FIRRM: variants seen among roughly 807,000 people sequenced by gnomAD.
FIRRM encodes FIGNL1 interacting regulator of recombination and mitosis, also known as FIGNL1-interacting regulator of recombination and mitosis.
At chr1:169,792,278 T>G in the FIRRM span, among the ~76,000 whole-genome samples, 1 of 152,214 alleles carries the variant, frequency 6.6e-6, no homozygotes, top group South Asian at 2.1e-4. Context: ...TGGCAGGATT[T>G]CCTGGGAACA....
At chr1:169,849,364 T>C in the FIRRM span, 1 of 625,910 alleles carries the variant, frequency 1.6e-6, no homozygotes, top group African/African-American at 1.8e-5. Context: ...TGACATTACC[T>C]AATATGTTTT....
At chr1:169,801,052 C>T in the FIRRM span, 2 of 689,064 alleles carry the variant, frequency 2.9e-6, no homozygotes, top group Non-Finnish European at 5.0e-6. Context: ...TTATGGCTCT[C>T]TTTTTCTAAT....
chr1:169,806,815 T>G, the FIRRM span, among the ~76,000 whole-genome samples: 1 of 152,244 alleles, frequency 6.6e-6, no homozygotes, highest in Admixed American at 6.5e-5. Context: ...TTTGGTTAAT[T>G]TCTCTGAACG....
chr1:169,832,364 A>G, the FIRRM span: 1 of 1,274,642 alleles, frequency 7.8e-7, no homozygotes, highest in African/African-American at 1.5e-5. Context: ...TCTTGTAAAA[A>G]TTCTGATTCT....
At chr1:169,805,960 A>G in the FIRRM span, 2 of 1,171,324 alleles carry the variant, frequency 1.7e-6, no homozygotes, top group Non-Finnish European at 2.5e-6. Flanking sequence ...ACTCACCCCC[A>G]TGACATTTGG....
the FIRRM span, among the ~76,000 whole-genome samples, chr1:169,814,574 T>G: frequency 6.6e-6 from 1 of 152,232 alleles, no homozygotes; most frequent in African/African-American, 2.4e-5. Flanking sequence ...TCCATATTTT[T>G]TCATCATCTT....
chr1:169,852,727 C>G, the FIRRM span: 1 of 1,551,182 alleles, frequency 6.4e-7, no homozygotes. Flanking sequence ...TTACTCCAGT[C>G]CAAAAGGAAG....
chr1:169,808,921 A>G, the FIRRM span, among the ~76,000 whole-genome samples: 6 of 152,242 alleles, frequency 3.9e-5, no homozygotes, highest in African/African-American at 1.4e-4. Context: ...TTTTAATGGG[A>G]CCATGAATTG....
At chr1:169,853,961 A>AAAT in the FIRRM span, 16 of 662,420 alleles carry the variant, frequency 2.4e-5, no homozygotes, top group South Asian at 4.2e-5. Context: ...TGGCACTGGA[A>AAAT]AATAGCTTTT....
the FIRRM span, chr1:169,821,573 T>G: frequency 6.9e-6 from 5 of 723,778 alleles, no homozygotes; most frequent in African/African-American, 3.7e-5. Context: ...TTAAGAGGGG[T>G]TTTTTTTGTT....
At chr1:169,784,710 A>G in the FIRRM span, among the ~76,000 whole-genome samples, 1 of 152,242 alleles carries the variant, frequency 6.6e-6, no homozygotes, top group Non-Finnish European at 1.5e-5. Flanking sequence ...TGCACAAGTC[A>G]CAGTAAAAGG....
the FIRRM span, among the ~76,000 whole-genome samples, chr1:169,817,072 T>C: frequency 6.6e-6 from 1 of 152,156 alleles, no homozygotes; most frequent in African/African-American, 2.4e-5. Context: ...AGAAGTTTTC[T>C]TGACTCTGAA....
At chr1:169,852,588 T>G in the FIRRM span, 6 of 586,390 alleles carry the variant, frequency 1.0e-5, no homozygotes, top group Non-Finnish European at 1.5e-5. Context: ...ACACTGGTAG[T>G]AGCACTCTGA....
chr1:169,818,384 A>G, the FIRRM span, among the ~76,000 whole-genome samples: 1 of 152,232 alleles, frequency 6.6e-6, no homozygotes, highest in African/African-American at 2.4e-5. Context: ...CAAAAGTCAA[A>G]GAAGCAGTTT....
chr1:169,793,638 T>A, the FIRRM span: 2 of 1,614,032 alleles, frequency 1.2e-6, no homozygotes, highest in Admixed American at 3.3e-5. Context: ...CCATCTCTAA[T>A]GGGTGTTAAT....
chr1:169,808,979 T>C, the FIRRM span, among the ~76,000 whole-genome samples: 2 of 152,134 alleles, frequency 1.3e-5, no homozygotes, highest in Non-Finnish European at 2.9e-5. Context: ...CTATTGTACA[T>C]CTGCAAGCTG....
At chr1:169,800,702 G>A in the FIRRM span, among the ~76,000 whole-genome samples, 43 of 129,246 alleles carry the variant, frequency 3.3e-4, no homozygotes, top group African/African-American at 1.2e-3. Flanking sequence ...TATGTAGGTC[G>A]TTTCCTTTCT....
chr1:169,843,833 A>G, the FIRRM span: 1 of 960,930 alleles, frequency 1.0e-6, no homozygotes, highest in East Asian at 2.4e-5. Flanking sequence ...GCTATCATGT[A>G]AAATAACTTT....
the FIRRM span, among the ~76,000 whole-genome samples, chr1:169,805,315 C>T: frequency 4.6e-5 from 7 of 152,240 alleles, no homozygotes; most frequent in African/African-American, 1.4e-4. Context: ...TCACATCTGG[C>T]TGTTGGCAGA....
Sources: allele counts gnomAD v4.1 joint callset (sites outside exome capture counted in the v4.1 genomes callset), GRCh38; gene constraint gnomAD v4.1.1; transcripts MANE v1.5; gene names NCBI Gene and HGNC (gene_info 2026-07-23, HGNC 2026-07-21).